The following TANGO6 variants were observed in gnomAD, a reference collection of about 807,000 sequenced individuals.
TANGO6 encodes the protein transport and golgi organization 6 homolog.
In TANGO6, 90 loss-of-function variants were observed where a neutral mutation model predicts 114.2. The ratio of observed to expected loss-of-function variants is 0.79; its 90% CI spans 0.66 to 0.94. The LOEUF is 0.94. TANGO6 is among the 40% of genes least tolerant of loss of function. TANGO6 has a pLI of 0.00. For missense variants in TANGO6, 1,274 were observed against 1,315.3 expected (o/e 0.97, Z 0.49); for synonymous variants, 477 against 509.8 (o/e 0.94, Z 0.87).
chr16:69,065,258 C>T (rs960404375), intron 17 of TANGO6, among the ~76,000 whole-genome samples: 1 of 152,210 alleles, frequency 6.6e-6, no homozygotes, highest in Non-Finnish European at 1.5e-5. Context: ...CACTCCAGCC[C>T]TTGGGCAGCA....
Position 68,843,623 on chromosome 16 carries a change from G to A in TANGO6, c.6G>A (p.Ala2=), listed in dbSNP as rs1250641918. 3 of 1,613,292 alleles carry A rather than the reference G, an allele frequency of 1.9e-6. No individual in the cohort carries two copies. Among genetic ancestry groups the A allele is most frequent in the Admixed American group, 1.7e-5 (1 of 59,996 alleles). M[A]ARQAVGSGAQ... ...CGTGGTGTTACACTCCAGTCATGGC[G>A]GCCCGACAGGCCGTGGGCAGCGGGG... The change falls in exon 1 of 18, where the codon GCG becomes GCA. Residue 2 remains alanine, a synonymous_variant. Coordinates refer to ENST00000261778, the MANE Select transcript of TANGO6 (RefSeq NM_024562.2).
intron 14 of TANGO6, among the ~76,000 whole-genome samples, chr16:68,946,733 GTCAAGTAA>G (rs1281775798): frequency 2.6e-5 from 4 of 152,220 alleles, no homozygotes; most frequent in Non-Finnish European, 5.9e-5. Context: ...AACTCCTGGG[GTCAAGTAA>G]TCTGCCTGTA....
At position 69,022,924 on chromosome 16, in the gene TANGO6, A is replaced by T. The variant is rs764767846; in HGVS notation, c.2939A>T (p.Asn980Ile). The T allele has an allele frequency of 9.0e-5, 144 of 1,604,868 alleles. No individual in the cohort carries two copies. Among genetic ancestry groups the T allele is most frequent in the Non-Finnish European group, 1.2e-4 (139 of 1,175,910 alleles). Residue 980 changes from asparagine to isoleucine, a missense_variant, in exon 16 of 18, where the codon AAC becomes ATC. Asn to Ile is a moderately radical substitution (Grantham distance 149). This residue lies in a region of TANGO6 where 238 missense variants were observed against 252.9 expected (regional missense o/e 0.94). Transcript: ENST00000261778. Reference sequence around the variant, plus strand: ...GCTCACAGGGCCAGCAGCTTGGCCAACCTTGGGGAGCTGTGCCAGAGGCTG... The same window carrying T: ...GCTCACAGGGCCAGCAGCTTGGCCATCCTTGGGGAGCTGTGCCAGAGGCTG... Reference protein sequence around the residue: ...DGAHRASSLANLGELCQRLDF... With the variant: ...DGAHRASSLAILGELCQRLDF...
rs367690053 is a variant in TANGO6 at position 69,083,497 on chromosome 16, G to A, written c.3121G>A (p.Val1041Ile). ...SQKATEVLSA[V>I]LKDLYHLLKH... ...CTCTCTCATGCAGGTGCTGAGCGCC[G>A]TCCTCAAGGATCTCTACCACCTGCT... The change falls in exon 18 of 18, where the codon GTC becomes ATC. Residue 1041 changes from valine (V) to isoleucine (I), a missense_variant. Transcript: ENST00000261778. The A allele has an allele frequency of 1.7e-5, 28 of 1,610,822 alleles. No homozygotes were observed. Among genetic ancestry groups the A allele is most frequent in the Middle Eastern group, 1.7e-4 (1 of 6,008 alleles).
intron 14 of TANGO6, among the ~76,000 whole-genome samples, chr16:68,964,597 C>T (rs988947253): frequency 7.8e-5 from 11 of 140,818 alleles, no homozygotes; most frequent in Admixed American, 3.0e-4. Context: ...GACAGAGTCT[C>T]GCTCTGTCGC....
chr16:69,030,721 G>A (rs1177361589), intron 16 of TANGO6, among the ~76,000 whole-genome samples: 4 of 151,968 alleles, frequency 2.6e-5, no homozygotes, highest in Non-Finnish European at 4.4e-5. Flanking sequence ...GAAAAGCATC[G>A]TTTGTGACCC....
intron 1 of TANGO6, among the ~76,000 whole-genome samples, chr16:68,850,371 A>G (rs1179475289): frequency 6.6e-6 from 1 of 152,158 alleles, no homozygotes; most frequent in African/African-American, 2.4e-5. Context: ...ATATATGTGC[A>G]TGTATACATA....
At chr16:68,958,063 T>G (rs2152207945) in intron 14 of TANGO6, among the ~76,000 whole-genome samples, 1 of 151,860 alleles carries the variant, frequency 6.6e-6, no homozygotes, top group Non-Finnish European at 1.5e-5. Flanking sequence ...TCCCACCTAC[T>G]TGGGAGGCTG....
chr16:68,906,766 A>G (rs1271423697), intron 9 of TANGO6, among the ~76,000 whole-genome samples: 1 of 151,006 alleles, frequency 6.6e-6, no homozygotes, highest in African/African-American at 2.4e-5. Context: ...ATGACCATGC[A>G]GGACATAACC....
intron 14 of TANGO6, among the ~76,000 whole-genome samples, chr16:68,967,219 A>G (rs1429641551): frequency 1.3e-5 from 2 of 152,106 alleles, no homozygotes; most frequent in Non-Finnish European, 2.9e-5. Flanking sequence ...CGGTGTTGGG[A>G]GGGCGGGGAT....
At chr16:68,847,522 T>C (rs1163102521) in intron 1 of TANGO6, among the ~76,000 whole-genome samples, 3 of 152,218 alleles carry the variant, frequency 2.0e-5, no homozygotes, top group African/African-American at 7.2e-5. Flanking sequence ...TCACTTTCTT[T>C]GTGTTCCATG....
At chr16:68,914,040 T>A (rs987825136) in intron 11 of TANGO6, among the ~76,000 whole-genome samples, 1 of 152,148 alleles carries the variant, frequency 6.6e-6, no homozygotes, top group East Asian at 1.9e-4. Flanking sequence ...CTCCACCCCT[T>A]CCACTCAGGT....
At chr16:69,067,255 T>A (rs1960226465) in intron 17 of TANGO6, among the ~76,000 whole-genome samples, 1 of 152,096 alleles carries the variant, frequency 6.6e-6, no homozygotes, top group Non-Finnish European at 1.5e-5. Context: ...ATGCCTGTTA[T>A]CCCAGCACTT....
chr16:68,847,578 G>A (rs990723001), intron 1 of TANGO6, among the ~76,000 whole-genome samples: 2 of 152,200 alleles, frequency 1.3e-5, no homozygotes. Flanking sequence ...TTAGAGGTTG[G>A]TTAGTGATCT....
intron 7 of TANGO6, among the ~76,000 whole-genome samples, chr16:68,899,519 T>A (rs975023977): frequency 2.0e-5 from 3 of 151,832 alleles, no homozygotes; most frequent in East Asian, 1.9e-4. Flanking sequence ...TTTTTTTTTT[T>A]AATTTTTTTC....
chr16:69,083,400 C>G (rs1960494149), intron 17 of TANGO6, 85 bp from the exon 18 acceptor site: 1 of 1,461,324 alleles, frequency 6.8e-7, no homozygotes, highest in Non-Finnish European at 9.1e-7. Flanking sequence ...CACAGATCTC[C>G]TCAGGCAGGA....
intron 2 of TANGO6, among the ~76,000 whole-genome samples, chr16:68,861,135 A>G (rs991391843): frequency 5.9e-5 from 9 of 152,288 alleles, no homozygotes; most frequent in Non-Finnish European, 8.8e-5. Flanking sequence ...CTTTTCTTCA[A>G]ATAACTCACA....
rs117730887 is a variant in TANGO6 at position 68,904,402 on chromosome 16, A to G, written c.1667+1898A>G. ...TAACATAGAATGTTGTGGAGAAAAC[A>G]TGACTGATCTGAAGGACTCTGGAAG... is the stretch of plus-strand genomic sequence containing the variant. On this transcript the variant is annotated intron_variant, in intron 9 of 17. Coordinates refer to ENST00000261778, the MANE Select transcript of TANGO6 (RefSeq NM_024562.2). 6.5e-3 allele frequency among the ~76,000 whole-genome samples: 995 copies of G among 152,326 alleles called. 6 individuals carry two copies. The highest frequency in any genetic ancestry group is 9.8e-3 in the Non-Finnish European group (668 of 68,026).
chr16:69,079,369 TAAAG>T (rs1396087635), intron 17 of TANGO6, among the ~76,000 whole-genome samples: 1 of 151,142 alleles, frequency 6.6e-6, no homozygotes, highest in Non-Finnish European at 1.5e-5. Context: ...TAAAAGAAAA[TAAAG>T]AAACCGCATA....
Sources: gnomAD v4.1 joint callset for allele counts (sites outside exome capture counted in the v4.1 genomes callset) on GRCh38, gnomAD v4.1.1 for gene constraint, gnomAD v4.1.1 regional missense constraint, MANE v1.5 for transcripts, NCBI Gene and HGNC (gene_info 2026-07-23, HGNC 2026-07-21) for gene names.